The following SENP7 variants were observed in gnomAD, a reference collection of about 807,000 sequenced individuals.
SENP7 encodes the protein sentrin-specific protease 7.
SENP7 carries 64 observed loss-of-function variants against 141.2 expected under a neutral mutation model. That is an observed-to-expected ratio of 0.45 (90% CI 0.37 to 0.56). The LOEUF is 0.56. Among genes scored for constraint, SENP7 ranks in the 20% least tolerant of loss-of-function variants. The pLI, the probability that SENP7 is intolerant of heterozygous loss-of-function variation, is 0.00. For synonymous variants in SENP7, 382 were observed against 426.4 expected (o/e 0.90, Z 1.28); for missense variants, 1,025 against 1,212.2 (o/e 0.85, Z 2.29).
intron 1 of SENP7, among the ~76,000 whole-genome samples, chr3:101,507,690 C>T (rs1272281827): frequency 3.3e-5 from 5 of 151,940 alleles, no homozygotes; most frequent in Non-Finnish European, 5.9e-5. Flanking sequence ...CCTTCCCCAC[C>T]GCCACCATCT....
intron 11 of SENP7, chr3:101,358,145 G>C: frequency 1.9e-6 from 1 of 523,308 alleles, no homozygotes; most frequent in South Asian, 1.8e-5. Flanking sequence ...CTAAACATAA[G>C]ATAATTCATA....
At chr3:101,463,968 G>A (rs2063676389) in intron 3 of SENP7, among the ~76,000 whole-genome samples, 1 of 151,990 alleles carries the variant, frequency 6.6e-6, no homozygotes, top group South Asian at 2.1e-4. Context: ...GGGATTACAG[G>A]CACCCACTAC....
chr3:101,460,668 A>C (rs1423876277), intron 3 of SENP7, among the ~76,000 whole-genome samples: 3 of 152,238 alleles, frequency 2.0e-5, no homozygotes, highest in Non-Finnish European at 2.9e-5. Flanking sequence ...TGACCAAAAA[A>C]CCACAAGTAA....
intron 4 of SENP7, among the ~76,000 whole-genome samples, chr3:101,432,452 T>C (rs1290005702): frequency 6.6e-6 from 1 of 152,198 alleles, no homozygotes; most frequent in East Asian, 1.9e-4. Flanking sequence ...ACATAGGCAG[T>C]AGCCAGGGAG....
At chr3:101,503,337 T>C (rs2065466029) in intron 1 of SENP7, among the ~76,000 whole-genome samples, 1 of 152,238 alleles carries the variant, frequency 6.6e-6, no homozygotes, top group Admixed American at 6.5e-5. Context: ...CAGCATCTAC[T>C]GAAGTTAGAC....
chr3:101,428,349 C>A (rs2062034566), intron 4 of SENP7, among the ~76,000 whole-genome samples: 1 of 152,214 alleles, frequency 6.6e-6, no homozygotes, highest in Non-Finnish European at 1.5e-5. Flanking sequence ...CATATCCTCT[C>A]CAGCATCTGC....
chr3:101,342,009 T>C (rs1205424049), intron 14 of SENP7, among the ~76,000 whole-genome samples: 1 of 152,150 alleles, frequency 6.6e-6, no homozygotes, highest in Non-Finnish European at 1.5e-5. Flanking sequence ...AGATATGGAC[T>C]ACAGAATTAA....
chr3:101,429,408 C>T (rs2062078077), intron 4 of SENP7, among the ~76,000 whole-genome samples: 1 of 152,118 alleles, frequency 6.6e-6, no homozygotes, highest in Admixed American at 6.5e-5. Flanking sequence ...AGGTCCTTCA[C>T]ATCCCTTGTA....
chr3:101,341,848 G>A (rs1374639767), intron 14 of SENP7, 69 bp from the exon 15 acceptor site: 2 of 1,427,560 alleles, frequency 1.4e-6, no homozygotes, highest in Non-Finnish European at 1.9e-6. Context: ...TCAAAACGTA[G>A]ACGTGTGAGA....
intron 20 of SENP7, 85 bp downstream of exon 20, chr3:101,330,249 C>T: frequency 2.1e-6 from 2 of 973,634 alleles, no homozygotes; most frequent in South Asian, 1.5e-5. Flanking sequence ...GCCAGCATAG[C>T]CCACCTAGCT....
intron 5 of SENP7, among the ~76,000 whole-genome samples, chr3:101,400,857 G>C (rs1253173150): frequency 6.6e-6 from 1 of 152,092 alleles, no homozygotes; most frequent in Admixed American, 6.5e-5. Context: ...CACTTTGGGA[G>C]GTCAAGGTGG....
intron 11 of SENP7, among the ~76,000 whole-genome samples, chr3:101,355,523 G>A (rs926932710): frequency 2.6e-5 from 4 of 151,988 alleles, no homozygotes; most frequent in Admixed American, 2.6e-4. Flanking sequence ...ATGGTCATAG[G>A]TGTGCAGCTT....
chr3:101,365,593 C>T (rs1035456854), intron 9 of SENP7, among the ~76,000 whole-genome samples: 1 of 143,932 alleles, frequency 6.9e-6, no homozygotes, highest in Non-Finnish European at 1.5e-5. Context: ...CAAGATCGCA[C>T]CACTGCACTC....
chr3:101,456,918 C>T (rs1167470874), intron 4 of SENP7, among the ~76,000 whole-genome samples: 8 of 150,396 alleles, frequency 5.3e-5, no homozygotes, highest in East Asian at 1.9e-4. Context: ...TGAGCCACTG[C>T]GCCTGGCCTT....
At chr3:101,511,834 G>T (rs34255148) in intron 1 of SENP7, among the ~76,000 whole-genome samples, 102,621 of 151,458 alleles carry the variant, frequency 0.68, 35,168 homozygotes, top group African/African-American at 0.77. Flanking sequence ...TGTTGTTGTT[G>T]TTTGATACAG....
Position 101,397,974 on chromosome 3 carries a change from A to G in SENP7, c.677+887T>C, listed in dbSNP as rs188061905. Among the ~76,000 whole-genome samples the G allele has an allele frequency of 9.4e-4, 144 of 152,382 alleles. 3 individuals are homozygous for G. The highest frequency in any genetic ancestry group is 7.2e-4 in the Admixed American group (11 of 15,308). Reference sequence around the variant, plus strand: ...CACACACAATCCTCTCCTAGAGCTTAAAACAAAGGCAACTTCAGATCTGCA... The same window carrying G: ...CACACACAATCCTCTCCTAGAGCTTGAAACAAAGGCAACTTCAGATCTGCA... On this transcript the variant is annotated intron_variant, in intron 6 of 23. Coordinates refer to ENST00000394095, the MANE Select transcript of SENP7 (RefSeq NM_020654.5).
At chr3:101,485,086 C>T (rs773925522) in intron 3 of SENP7, among the ~76,000 whole-genome samples, 1 of 152,008 alleles carries the variant, frequency 6.6e-6, no homozygotes, top group Non-Finnish European at 1.5e-5. Flanking sequence ...CCACACCCCC[C>T]ACAGCAGCCA....
intron 1 of SENP7, among the ~76,000 whole-genome samples, chr3:101,512,122 TA>T (rs2065886194): frequency 6.6e-6 from 1 of 152,140 alleles, no homozygotes; most frequent in Admixed American, 6.5e-5. Context: ...GCCCGGCCAA[TA>T]AATCTGTAAT....
chr3:101,372,044 C>A lies in SENP7; in HGVS notation c.760G>T (p.Gly254Cys). The change falls in exon 7 of 24, where the codon GGC (glycine) becomes TGC (cysteine). Residue 254 changes from glycine to cysteine, a missense_variant. By Grantham distance (159) the Gly-to-Cys change is radical (BLOSUM62 -3). Transcript: ENST00000394095. ...HNKEKRRKDD[G>C]ISLLISDTQP... ...GTATCAGATATTAAAAGAGAAATGC[C>A]ATCATCCTTTCTTCGTTTTTCTTTA... 6.4e-7 allele frequency: 1 copy of A among 1,561,844 alleles called. No homozygotes were observed. Among genetic ancestry groups the A allele is most frequent in the Non-Finnish European group, 8.7e-7 (1 of 1,145,604 alleles).
Sources: allele counts gnomAD v4.1 joint callset (sites outside exome capture counted in the v4.1 genomes callset), GRCh38; gene constraint gnomAD v4.1.1; transcripts MANE v1.5; gene names NCBI Gene and HGNC (gene_info 2026-07-23, HGNC 2026-07-21).